RHAG: variants seen among roughly 807,000 people sequenced by gnomAD.
The protein encoded by RHAG is Rh associated glycoprotein.
Under a neutral mutation model 42.4 loss-of-function variants are expected in RHAG, and 25 were observed. The ratio of observed to expected loss-of-function variants is 0.59; its 90% confidence interval spans 0.43 to 0.82. The LOEUF is 0.82. RHAG is among the 40% of genes least tolerant of loss of function. The pLI, the probability that RHAG is intolerant of heterozygous loss-of-function variation, is 0.00. For synonymous variants in RHAG, 182 were observed against 177.7 expected (o/e 1.02, Z -0.19); for missense variants, 483 against 504.6 (o/e 0.96, Z 0.41).
rs1300216923 is a variant in RHAG, at chr6:49,610,982, T to A, written c.1067+42A>T. 4.3e-6 allele frequency: 7 copies of A among 1,612,614 alleles called. No homozygotes were observed. In the Admixed American group the frequency reaches 1.2e-4, roughly 27 times the overall value. ...CCATTTCTCAGAGTGAGAGAAAACATCATGGGACCACAGGGGCTGAAAAAC... is the reference window on the plus strand; with the variant it reads ...CCATTTCTCAGAGTGAGAGAAAACAACATGGGACCACAGGGGCTGAAAAAC... On this transcript the variant is annotated intron_variant, in intron 7 of 9. Transcript: ENST00000371175.
intron 7 of RHAG, among the ~76,000 whole-genome samples, chr6:49,610,555 T>A (rs1055633205): frequency 1.3e-5 from 2 of 152,154 alleles, no homozygotes; most frequent in African/African-American, 4.8e-5. Context: ...AGAGGTCACA[T>A]AACTAGTTAG....
intron 3 of RHAG, 57 bp downstream of exon 3, chr6:49,618,011 T>C (rs1441942464): frequency 9.7e-6 from 15 of 1,547,448 alleles, no homozygotes; most frequent in Non-Finnish European, 1.2e-5. Flanking sequence ...CCCATTGTTT[T>C]TTTGTAGCCA....
chr6:49,623,261 ATTATTTAAATTAATGAGAGCTTAAAAGT>A (rs1762793888), intron 1 of RHAG, among the ~76,000 whole-genome samples: 2 of 152,268 alleles, frequency 1.3e-5, no homozygotes, highest in Admixed American at 1.3e-4. Flanking sequence ...AACCTCATTT[ATTATTTAAATTAATGAGAGCTTAAAAGT>A]TGTGGAGGCT....
At chr6:49,635,499 CA>C (rs1009508842) in intron 1 of RHAG, among the ~76,000 whole-genome samples, 3 of 151,960 alleles carry the variant, frequency 2.0e-5, no homozygotes, top group Admixed American at 6.6e-5. Flanking sequence ...ATGAAATGTA[CA>C]AAAGCATACA....
intron 1 of RHAG, among the ~76,000 whole-genome samples, chr6:49,622,218 T>TC (rs2127354984): frequency 7.7e-6 from 1 of 129,372 alleles, no homozygotes; most frequent in East Asian, 2.2e-4. Context: ...ATCTGATGGT[T>TC]TTTTTTTTTT....
At chr6:49,620,683 C>T (rs762803493) in intron 1 of RHAG, among the ~76,000 whole-genome samples, 1 of 152,106 alleles carries the variant, frequency 6.6e-6, no homozygotes, top group Non-Finnish European at 1.5e-5. Flanking sequence ...GGGCGCATGC[C>T]ACCATGCCCA....
chr6:49,629,684 C>T (rs1369142788), intron 1 of RHAG, among the ~76,000 whole-genome samples: 3 of 152,192 alleles, frequency 2.0e-5, no homozygotes, highest in Non-Finnish European at 4.4e-5. Context: ...AGGTCCCGAG[C>T]CCTGCCCCAC....
Position 49,627,007 on chromosome 6 carries a change from C to T in RHAG, c.158-7645G>A, listed in dbSNP as rs538054107. ...TGCATAGAGCAGGGAAGCCCTGGGCCTGGCCCATGAAGCCATTTTTCCCTC... is the reference window on the plus strand; with the variant it reads ...TGCATAGAGCAGGGAAGCCCTGGGCTTGGCCCATGAAGCCATTTTTCCCTC... On this transcript the variant is annotated intron_variant, in intron 1 of 9. Coordinates refer to ENST00000371175, the MANE Select transcript of RHAG (RefSeq NM_000324.3). Among the ~76,000 whole-genome samples, 157 of 152,342 alleles carry T rather than the reference C, an allele frequency of 1.0e-3. 3 individuals are homozygous for T. Among genetic ancestry groups the T allele is most frequent in the Non-Finnish European group, 2.5e-4 (17 of 68,024 alleles).
chr6:49,617,583 A>T (rs1301693834), intron 3 of RHAG, among the ~76,000 whole-genome samples: 1 of 152,184 alleles, frequency 6.6e-6, no homozygotes, highest in Non-Finnish European at 1.5e-5. Context: ...AATGCCCCTA[A>T]ATGTTCTTTA....
chr6:49,635,198 T>G (rs1044852324), intron 1 of RHAG, among the ~76,000 whole-genome samples: 3 of 150,150 alleles, frequency 2.0e-5, no homozygotes, highest in Non-Finnish European at 3.0e-5. Context: ...TCTCAAATTG[T>G]GAATTGAAAT....
intron 6 of RHAG, among the ~76,000 whole-genome samples, chr6:49,612,061 C>A (rs912845276): frequency 2.0e-5 from 3 of 151,994 alleles, no homozygotes; most frequent in Non-Finnish European, 4.4e-5. Flanking sequence ...CATCCTAAAT[C>A]TCTTAAAAGA....
At chr6:49,619,052 A>G in intron 2 of RHAG, 127 bp downstream of exon 2, 1 of 1,002,082 alleles carries the variant, frequency 1.0e-6, no homozygotes, top group Non-Finnish European at 1.5e-6. Flanking sequence ...ATTCATAAAC[A>G]CTCTGCCTTC....
intron 4 of RHAG, chr6:49,615,423 C>T: frequency 1.8e-6 from 1 of 543,210 alleles, no homozygotes; most frequent in Non-Finnish European, 3.3e-6. Context: ...GAGATGGAGT[C>T]TCATTATGTT....
intron 1 of RHAG, among the ~76,000 whole-genome samples, chr6:49,635,076 A>G (rs1581955050): frequency 6.6e-6 from 1 of 150,690 alleles, no homozygotes; most frequent in African/African-American, 2.4e-5. Context: ...TCCATACGGT[A>G]TTGTTAACTA....
At chr6:49,623,172 A>G (rs1034030087) in intron 1 of RHAG, among the ~76,000 whole-genome samples, 1 of 152,162 alleles carries the variant, frequency 6.6e-6, no homozygotes, top group Admixed American at 6.5e-5. Flanking sequence ...AAGAAATTTC[A>G]TATATTAACT....
intron 8 of RHAG, 101 bp downstream of exon 8, chr6:49,607,049 T>G: frequency 7.9e-7 from 1 of 1,263,540 alleles, no homozygotes; most frequent in Middle Eastern, 1.8e-4. Context: ...GCCAGAAGTT[T>G]AGAACATTTT....
At chr6:49,615,036 C>A in intron 4 of RHAG, 183 bp from the exon 5 acceptor site, 1 of 590,680 alleles carries the variant, frequency 1.7e-6, no homozygotes, top group Admixed American at 2.7e-5. Context: ...CAACTTCCAC[C>A]TCTCAGGTTC....
At chr6:49,618,838 C>G in intron 2 of RHAG, among the ~76,000 whole-genome samples, 1 of 152,056 alleles carries the variant, frequency 6.6e-6, no homozygotes, top group East Asian at 1.9e-4. Flanking sequence ...AACAAAATAC[C>G]ATAAACTGGG....
chr6:49,618,989 G>A (rs1398054934), intron 2 of RHAG, among the ~76,000 whole-genome samples, 190 bp downstream of exon 2: 1 of 152,128 alleles, frequency 6.6e-6, no homozygotes, highest in African/African-American at 2.4e-5. Context: ...TTCTCACACA[G>A]TGGAAGGGGT....
Sources: gnomAD v4.1 joint callset for allele counts (sites outside exome capture counted in the v4.1 genomes callset) on GRCh38, gnomAD v4.1.1 for gene constraint, MANE v1.5 for transcripts, NCBI Gene and HGNC (gene_info 2026-07-23, HGNC 2026-07-21) for gene names.